PLG: variants seen among roughly 807,000 people sequenced by gnomAD.
PLG encodes plasminogen, also known as plasmin.
In PLG, 41 loss-of-function variants were observed where a neutral mutation model predicts 104.4. The ratio of observed to expected loss-of-function variants is 0.39; its 90% confidence interval spans 0.31 to 0.51. PLG has a LOEUF of 0.51. PLG is among the 20% of genes least tolerant of loss of function. The probability of loss-of-function intolerance (pLI) is 0.76; values close to 1 mark genes in which losing one functional copy is unlikely to be tolerated. For missense variants in PLG, 891 were observed against 1,003.6 expected (o/e 0.89, Z 1.52); for synonymous variants, 337 against 357.1 (o/e 0.94, Z 0.63).
chr6:160,741,207 G>C lies in PLG; in HGVS notation c.2019-104G>C, dbSNP rs1778188121. On this transcript the variant is annotated intron_variant, in intron 16 of 18. Coordinates refer to ENST00000308192, the MANE Select transcript of PLG (RefSeq NM_000301.5). The surrounding 1 kb of genome is among the most constrained non-coding windows in gnomAD (Gnocchi z 4.7). ...CTCTGTGTCAGTGAAGCAAGGCAGT[G>C]CCAGTTCAGAGGGCTCTGGGGCCTC... is the stretch of plus-strand genomic sequence containing the variant. 1 of 800,598 alleles carries C rather than the reference G, an allele frequency of 1.2e-6. No homozygotes were observed. The highest frequency in any genetic ancestry group is 2.2e-6 in the Non-Finnish European group (1 of 447,230). 49.6% of individuals were successfully genotyped at this position (800,598 alleles called of 1,614,324 possible). A position where few individuals can be genotyped will look rare whatever the true frequency, so the allele number is the denominator to read the frequency against.
intron 17 of PLG, among the ~76,000 whole-genome samples, chr6:160,742,812 T>C (rs1326986027): frequency 6.6e-6 from 1 of 152,172 alleles, no homozygotes; most frequent in African/African-American, 2.4e-5. Context: ...CCATCTTGAG[T>C]TGATTTCTGT....
In PLG at chr6:160,731,812, C is replaced by T. The variant is rs774954253; in HGVS notation, c.1506C>T (p.Cys502=). 1 of 1,613,702 alleles carries T rather than the reference C, an allele frequency of 6.2e-7. No homozygotes were observed. The highest frequency in any genetic ancestry group is 8.5e-7 in the Non-Finnish European group (1 of 1,179,638). Residue 502 remains cysteine (C), a synonymous_variant, in exon 12 of 19, where the codon TGC becomes TGT. Coordinates refer to ENST00000308192, the MANE Select transcript of PLG (RefSeq NM_000301.5). The surrounding 1 kb of genome is among the most constrained non-coding windows in gnomAD (Gnocchi z 5.1). ...KRATTVTGTP[C]QDWAAQEPHR... ...CGACCACTGTTACTGGGACGCCATGCCAGGACTGGGCTGCCCAGGAGCCCC... is the reference window on the plus strand; with the variant it reads ...CGACCACTGTTACTGGGACGCCATGTCAGGACTGGGCTGCCCAGGAGCCCC...
At chr6:160,729,106 T>G (rs1777959895) in intron 10 of PLG, among the ~76,000 whole-genome samples, 1 of 152,010 alleles carries the variant, frequency 6.6e-6, no homozygotes, top group South Asian at 2.1e-4. Context: ...GAATAGGAAA[T>G]TTCTCAGGGA....
In PLG at chr6:160,752,215, C is replaced by T. The variant is rs1189462435; in HGVS notation, c.2226C>T (p.Thr742=). ...YEFLNGRVQS[T]ELCAGHLAGG... ...TTCTGAATGGAAGAGTCCAATCCAC[C>T]GAACTCTGTGCTGGGCATTTGGCCG... is the stretch of plus-strand genomic sequence containing the variant. The change falls in exon 18 of 19, where the codon ACC becomes ACT. Residue 742 remains threonine (T), a synonymous_variant. Coordinates refer to ENST00000308192, the MANE Select transcript of PLG (RefSeq NM_000301.5). The surrounding 1 kb of genome is among the most constrained non-coding windows in gnomAD (Gnocchi z 4.7). The T allele has an allele frequency of 8.7e-6, 14 of 1,613,380 alleles. No individual in the cohort carries two copies. The highest frequency in any genetic ancestry group is 1.3e-5 in the African/African-American group (1 of 74,898).
chr6:160,714,851 CT>C lies in PLG; in HGVS notation c.606del (p.Gly203AspfsTer27). On this transcript the variant is annotated frameshift_variant, in exon 6 of 19. Coordinates refer to ENST00000308192, the MANE Select transcript of PLG (RefSeq NM_000301.5). LOFTEE classifies it high-confidence loss of function. ...NYDGKISKTM[S>X]GLECQAWDSQ... Reference sequence around the variant, plus strand: ...GACGGCAAAATTTCCAAGACCATGTCTGGACTGGAATGCCAGGCCTGGGACT... The same window carrying C: ...GACGGCAAAATTTCCAAGACCATGTCGGACTGGAATGCCAGGCCTGGGACT... The C allele has an allele frequency of 1.2e-6, 2 of 1,612,786 alleles. No homozygotes were observed. The highest frequency in any genetic ancestry group is 1.7e-6 in the Non-Finnish European group (2 of 1,178,786).
chr6:160,747,390 A>C (rs148644190), intron 17 of PLG, among the ~76,000 whole-genome samples: 42 of 152,292 alleles, frequency 2.8e-4, no homozygotes, highest in African/African-American at 9.9e-4. Flanking sequence ...TTGGCCATTG[A>C]AACACTAAGA....
Position 160,740,797 on chromosome 6 carries a change from G to A in PLG, c.2019-514G>A, listed in dbSNP as rs1052632560. On this transcript the variant is annotated intron_variant, in intron 16 of 18. Transcript: ENST00000308192. The surrounding 1 kb of genome is among the most constrained non-coding windows in gnomAD (Gnocchi z 5.2). ...GCTTATTTCCAATCCTCTTTCATTTGGTATCAAGTATTTTACTGGATTCTT... is the reference window on the plus strand; with the variant it reads ...GCTTATTTCCAATCCTCTTTCATTTAGTATCAAGTATTTTACTGGATTCTT... Among the ~76,000 whole-genome samples, 5 of 152,076 alleles carry A rather than the reference G, an allele frequency of 3.3e-5. No individual in the cohort carries two copies. The highest frequency in any genetic ancestry group is 1.2e-4 in the African/African-American group (5 of 41,394).
rs941217301 is a variant in PLG at position 160,736,301 on chromosome 6, G to A, written c.1682-586G>A. ...CACGGCCGTTGGTTAGTCATGGGAG[G>A]CTCCCCAGAGGAGCTGTCCTGAAGC... is the stretch of plus-strand genomic sequence containing the variant. On this transcript the variant is annotated intron_variant, in intron 13 of 18. Transcript: ENST00000308192. This position sits in a 1 kb window ranked among gnomAD's most constrained non-coding sequence, Gnocchi z 5.2. Among the ~76,000 whole-genome samples, 1 of 152,164 alleles carries A rather than the reference G, an allele frequency of 6.6e-6. No individual in the cohort carries two copies. Among genetic ancestry groups the A allele is most frequent in the African/African-American group, 2.4e-5 (1 of 41,434 alleles).
chr6:160,721,709 C>T (rs1777832116), intron 9 of PLG, among the ~76,000 whole-genome samples: 1 of 152,186 alleles, frequency 6.6e-6, no homozygotes, highest in Admixed American at 6.5e-5. Flanking sequence ...GGTCTACCTC[C>T]CTCTTAGGCC....
intron 1 of PLG, chr6:160,706,167 T>A: frequency 1.8e-6 from 1 of 562,004 alleles, no homozygotes; most frequent in Non-Finnish European, 3.2e-6. Flanking sequence ...CTTGCCTTGC[T>A]CCCTCTCTCC....
chr6:160,738,096 C>T lies in PLG; in HGVS notation c.1803-442C>T, dbSNP rs1484634229. The stretch of plus-strand genomic sequence containing the variant: ...TTCTCAGGTAAGATCAGAAGACTCC[C>T]ATGAGTCACTGCTGCTCAGGATCAC... On this transcript the variant is annotated intron_variant, in intron 14 of 18. Coordinates refer to ENST00000308192, the MANE Select transcript of PLG (RefSeq NM_000301.5). This position sits in a 1 kb window ranked among gnomAD's most constrained non-coding sequence, Gnocchi z 6.8. Among the ~76,000 whole-genome samples the T allele has an allele frequency of 6.6e-6, 1 of 152,234 alleles. No individual in the cohort carries two copies. Among genetic ancestry groups the T allele is most frequent in the African/African-American group, 2.4e-5 (1 of 41,450 alleles).
intron 10 of PLG, among the ~76,000 whole-genome samples, chr6:160,730,443 C>A (rs1303146362): frequency 1.3e-5 from 2 of 152,206 alleles, no homozygotes; most frequent in African/African-American, 2.4e-5. Context: ...GAAACAAACC[C>A]ACTTGACACA....
intron 3 of PLG, 91 bp downstream of exon 3, chr6:160,707,897 G>T: frequency 9.5e-7 from 1 of 1,054,576 alleles, no homozygotes; most frequent in Non-Finnish European, 1.5e-6. Flanking sequence ...TATAAGACCA[G>T]AGGAGGAAGG....
intron 4 of PLG, chr6:160,711,665 T>A: frequency 6.2e-7 from 1 of 1,610,776 alleles, no homozygotes; most frequent in Non-Finnish European, 8.5e-7. Flanking sequence ...TTTTCTTGGA[T>A]ATGGAGGTTT....
rs1778439945 is a variant in PLG, at chr6:160,753,288, T to G, written c.*227T>G. On this transcript the variant is annotated 3_prime_UTR_variant, in exon 19 of 19. Transcript: ENST00000308192. This position sits in a 1 kb window ranked among gnomAD's most constrained non-coding sequence, Gnocchi z 5.4. ...AATAAACTCTGTACTTAACTTTGAT[T>G]TGAGTAAATTTTGGTTTTGGTCTTC... 1 of 555,818 alleles carries G rather than the reference T, an allele frequency of 1.8e-6. No individual in the cohort carries two copies. The highest frequency in any genetic ancestry group is 3.2e-6 in the Non-Finnish European group (1 of 309,030). The allele number at this position is 555,818 out of a possible 1,614,324, so 34.4% of individuals were successfully genotyped here. A position where few individuals can be genotyped will look rare whatever the true frequency, so the allele number is the denominator to read the frequency against.
Position 160,752,033 on chromosome 6 carries a change from C to A in PLG, c.2126-82C>A. ...TCTGCAGCCTCACAGACAGGAGGTC[C>A]AGTGCCGCTGCTCTGTTCTGGAATA... On this transcript the variant is annotated intron_variant, in intron 17 of 18. Transcript: ENST00000308192. The surrounding 1 kb of genome is among the most constrained non-coding windows in gnomAD (Gnocchi z 4.7). 8.2e-7 allele frequency: 1 copy of A among 1,224,196 alleles called. No homozygotes were observed. Among genetic ancestry groups the A allele is most frequent in the Non-Finnish European group, 1.2e-6 (1 of 831,678 alleles). 75.8% of individuals were successfully genotyped at this position (1,224,196 alleles called of 1,614,324 possible).
Position 160,753,327 on chromosome 6 carries a change from T to C in PLG, c.*266T>C. 1 of 473,714 alleles carries C rather than the reference T, an allele frequency of 2.1e-6. No homozygotes were observed. Among genetic ancestry groups the C allele is most frequent in the Admixed American group, 3.7e-5 (1 of 27,094 alleles). The allele number at this position is 473,714 out of a possible 1,614,324, so 29.3% of individuals were successfully genotyped here. On this transcript the variant is annotated 3_prime_UTR_variant, in exon 19 of 19. Transcript: ENST00000308192. This position sits in a 1 kb window ranked among gnomAD's most constrained non-coding sequence, Gnocchi z 5.4. The stretch of plus-strand genomic sequence containing the variant: ...GTTTTGGTCTTCAACATTTTCATGC[T>C]CTTTGTTCACCCCACCAATTTTTAA...
chr6:160,730,914 TACA>T (rs570301079), intron 10 of PLG, 134 bp from the exon 11 acceptor site: 11 of 813,682 alleles, frequency 1.4e-5, no homozygotes, highest in Non-Finnish European at 2.2e-5. Flanking sequence ...TTTTGTTTGT[TACA>T]ACATTATTGT....
rs1222661793 is a variant in PLG at position 160,753,308 on chromosome 6, G to T, written c.*247G>T. The T allele has an allele frequency of 2.1e-5, 11 of 530,718 alleles. No homozygotes were observed. Among genetic ancestry groups the T allele is most frequent in the Non-Finnish European group, 3.4e-6 (1 of 293,412 alleles). The allele number at this position is 530,718 out of a possible 1,614,324, so 32.9% of individuals were successfully genotyped here. On this transcript the variant is annotated 3_prime_UTR_variant, in exon 19 of 19. Transcript: ENST00000308192. The surrounding 1 kb of genome is among the most constrained non-coding windows in gnomAD (Gnocchi z 5.4). ...TTGATTTGAGTAAATTTTGGTTTTGGTCTTCAACATTTTCATGCTCTTTGT... is the reference window on the plus strand; with the variant it reads ...TTGATTTGAGTAAATTTTGGTTTTGTTCTTCAACATTTTCATGCTCTTTGT...
Sources: gnomAD v4.1 joint callset for allele counts (sites outside exome capture counted in the v4.1 genomes callset) on GRCh38, gnomAD v4.1.1 for gene constraint, Gnocchi (gnomAD v3.1) non-coding constraint, MANE v1.5 for transcripts, NCBI Gene and HGNC (gene_info 2026-07-23, HGNC 2026-07-21) for gene names.